CACNA1E: variants seen among roughly 807,000 people sequenced by gnomAD.
CACNA1E encodes the protein calcium voltage-gated channel subunit alpha1 E.
A neutral mutation model predicts 259.2 loss-of-function variants in CACNA1E; 40 were observed. The ratio of observed to expected loss-of-function variants is 0.15; its 90% CI spans 0.12 to 0.20. The LOEUF (loss-of-function observed/expected upper bound fraction) is 0.20. Ranked by LOEUF, CACNA1E falls within the 10% of genes least tolerant of loss-of-function variation. CACNA1E has a pLI of 1.00. For synonymous variants in CACNA1E, 1,104 were observed against 1,138.5 expected (o/e 0.97, Z 0.61); for missense variants, 1,874 against 3,040.1 (o/e 0.62, Z 9.02).
chr1:181,590,412 A>ATATATATATAT (rs1423754228), intron 6 of CACNA1E, among the ~76,000 whole-genome samples: 2 of 121,584 alleles, frequency 1.6e-5, no homozygotes, highest in African/African-American at 6.8e-5. Context: ...AAAAAAAAAA[A>ATATATATATAT]AAAAATATAT....
At chr1:181,545,692 T>C (rs747504560) in intron 3 of CACNA1E, among the ~76,000 whole-genome samples, 2 of 152,218 alleles carry the variant, frequency 1.3e-5, no homozygotes, top group African/African-American at 2.4e-5. Context: ...TTTACCCTGA[T>C]GGACTTCTGT....
At chr1:181,675,357 TC>T (rs1253063635) in intron 7 of CACNA1E, among the ~76,000 whole-genome samples, 1 of 152,180 alleles carries the variant, frequency 6.6e-6, no homozygotes, top group African/African-American at 2.4e-5. Flanking sequence ...AGGGGTAATT[TC>T]ACGTACCCAG....
intron 2 of CACNA1E, among the ~76,000 whole-genome samples, chr1:181,429,883 T>C (rs754009239): frequency 6.6e-6 from 1 of 152,242 alleles, no homozygotes; most frequent in Non-Finnish European, 1.5e-5. Flanking sequence ...TTACAAGCTC[T>C]TCAGGTGATT....
At chr1:181,511,927 T>C (rs1395068511) in intron 3 of CACNA1E, among the ~76,000 whole-genome samples, 1 of 152,242 alleles carries the variant, frequency 6.6e-6, no homozygotes, top group Non-Finnish European at 1.5e-5. Flanking sequence ...GCAGCTTCTT[T>C]TGGGCGTTGG....
At chr1:181,440,983 C>CA (rs60257271) in intron 2 of CACNA1E, among the ~76,000 whole-genome samples, 516 of 38,182 alleles carry the variant, frequency 0.014, 172 homozygotes, top group Non-Finnish European at 0.018. Context: ...GACCTTGTTT[C>CA]AAAAAAAAAA....
At chr1:181,623,354 T>G (rs1655896589) in intron 6 of CACNA1E, among the ~76,000 whole-genome samples, 1 of 152,224 alleles carries the variant, frequency 6.6e-6, no homozygotes, top group Non-Finnish European at 1.5e-5. Context: ...TTTATATAAT[T>G]TTTGTTTGCT....
chr1:181,326,949 G>A (rs1318528234), intron 1 of CACNA1E, among the ~76,000 whole-genome samples: 2 of 152,110 alleles, frequency 1.3e-5, no homozygotes, highest in Non-Finnish European at 2.9e-5. Flanking sequence ...CGTGGGCCTG[G>A]CTCTCAGTTG....
intron 3 of CACNA1E, among the ~76,000 whole-genome samples, chr1:181,564,969 C>T (rs6685086): frequency 0.7 from 106,504 of 151,784 alleles, 39,137 homozygotes; most frequent in East Asian, 0.94. Flanking sequence ...TGCTGTCACA[C>T]AGGCTTTGCT....
chr1:181,433,549 G>C (rs1315863646), intron 2 of CACNA1E, among the ~76,000 whole-genome samples: 1 of 152,138 alleles, frequency 6.6e-6, no homozygotes, highest in Admixed American at 6.5e-5. Flanking sequence ...GAAACAATTG[G>C]GAAATATAGG....
At chr1:181,488,920 C>G (rs1664077037) in intron 1 of CACNA1E, among the ~76,000 whole-genome samples, 1 of 152,132 alleles carries the variant, frequency 6.6e-6, no homozygotes, top group Admixed American at 6.5e-5. Flanking sequence ...AATTCTGCTG[C>G]TTTCCCCCTT....
chr1:181,379,251 A>G (rs76888392), intron 1 of CACNA1E, among the ~76,000 whole-genome samples: 1,655 of 152,326 alleles, frequency 0.011, 32 homozygotes, highest in African/African-American at 0.037. Flanking sequence ...TATATATGCA[A>G]CTGGAATCCA....
At chr1:181,501,320 A>G (rs1445349865) in intron 1 of CACNA1E, among the ~76,000 whole-genome samples, 1 of 152,168 alleles carries the variant, frequency 6.6e-6, no homozygotes, top group Non-Finnish European at 1.5e-5. Context: ...CAGAACCAGC[A>G]CTTCCCATCC....
chr1:181,388,492 T>C (rs1313359825), intron 1 of CACNA1E, among the ~76,000 whole-genome samples: 1 of 152,196 alleles, frequency 6.6e-6, no homozygotes, highest in East Asian at 1.9e-4. Context: ...TACAAATCTG[T>C]ATGGCATGTT....
At chr1:181,575,632 A>C (rs953908605) in intron 3 of CACNA1E, among the ~76,000 whole-genome samples, 1 of 152,192 alleles carries the variant, frequency 6.6e-6, no homozygotes. Flanking sequence ...TTGGAGAGGA[A>C]ATTTTCATTT....
chr1:181,488,052 A>C (rs990764647), intron 1 of CACNA1E, among the ~76,000 whole-genome samples: 3 of 152,192 alleles, frequency 2.0e-5, no homozygotes, highest in African/African-American at 7.2e-5. Context: ...TGTATCCCCA[A>C]AGCACTCTGG....
intron 2 of CACNA1E, among the ~76,000 whole-genome samples, chr1:181,427,564 C>A (rs1220548016): frequency 7.1e-6 from 1 of 140,992 alleles, no homozygotes; most frequent in Non-Finnish European, 1.5e-5. Context: ...CAACCCCTCC[C>A]CCACCTCAAC....
intron 1 of CACNA1E, among the ~76,000 whole-genome samples, chr1:181,325,909 A>G (rs978034889): frequency 2.0e-5 from 3 of 151,866 alleles, no homozygotes; most frequent in African/African-American, 7.3e-5. Context: ...ACAGACAGGG[A>G]TTGGGTTCTG....
chr1:181,442,894 G>T lies in CACNA1E; in HGVS notation c.434+29314G>T, dbSNP rs147839755. On this transcript the variant is annotated intron_variant, in intron 2 of 11. Coordinates refer to the CACNA1E transcript ENST00000524607. ...GTCCCATACGTGGGCTGCTCCCTCT[G>T]CAGGAAGTCTATCTCTGCAGACCAG... Among the ~76,000 whole-genome samples the T allele has an allele frequency of 3.8e-3, 577 of 152,260 alleles. 1 individual carries two copies. The highest frequency in any genetic ancestry group is 0.012 in the African/African-American group (488 of 41,538).
chr1:181,544,427 C>T lies in CACNA1E; in HGVS notation c.512+32917C>T, dbSNP rs77610723. Among the ~76,000 whole-genome samples the T allele has an allele frequency of 4.7e-3, 713 of 151,240 alleles. 10 individuals carry two copies. The highest frequency in any genetic ancestry group is 0.03 in the East Asian group (157 of 5,170). On this transcript the variant is annotated intron_variant, in intron 3 of 47. Coordinates refer to ENST00000367573, the MANE Select transcript of CACNA1E (RefSeq NM_001205293.3). ...AAAAAAAAAACCCCACTGAATTGTACGCTTTAGAAGGGTAAATTATGTGGT... is the reference window on the plus strand; with the variant it reads ...AAAAAAAAAACCCCACTGAATTGTATGCTTTAGAAGGGTAAATTATGTGGT...
Sources: gnomAD v4.1 joint callset for allele counts (sites outside exome capture counted in the v4.1 genomes callset) on GRCh38, gnomAD v4.1.1 for gene constraint, MANE v1.5 for transcripts, NCBI Gene and HGNC (gene_info 2026-07-23, HGNC 2026-07-21) for gene names.